GABRB1: variants seen among roughly 807,000 people sequenced by gnomAD.
The protein encoded by GABRB1 is gamma-aminobutyric acid type A receptor subunit beta1.
A neutral mutation model predicts 51.6 loss-of-function variants in GABRB1; 17 were observed. That is an observed-to-expected ratio of 0.33 (90% CI 0.23 to 0.49). GABRB1 has a LOEUF of 0.49. Among genes scored for constraint, GABRB1 ranks in the 20% least tolerant of loss-of-function variants. The probability of loss-of-function intolerance (pLI) is 0.99; values close to 1 mark genes in which losing one functional copy is unlikely to be tolerated. For missense variants in GABRB1, 410 were observed against 600.6 expected (o/e 0.68, Z 3.32); for synonymous variants, 247 against 218.9 (o/e 1.13, Z -1.14).
rs564173625 is a variant in GABRB1 at position 47,391,062 on chromosome 4, G to A, written c.545-12256G>A. On this transcript the variant is annotated intron_variant, in intron 5 of 8. Coordinates refer to ENST00000295454, the MANE Select transcript of GABRB1 (RefSeq NM_000812.4). ...GTGGTGGCACGTGCCTGTAATCCCA[G>A]CTACTCAGGAGGCTGAGGCAGGAGA... Among the ~76,000 whole-genome samples the A allele has an allele frequency of 1.8e-4, 28 of 152,262 alleles. No individual in the cohort carries two copies. In the South Asian group the frequency reaches 5.6e-3, roughly 30 times the overall value.
chr4:47,109,076 G>T (rs1715108497), intron 3 of GABRB1, among the ~76,000 whole-genome samples: 1 of 152,042 alleles, frequency 6.6e-6, no homozygotes, highest in Non-Finnish European at 1.5e-5. Flanking sequence ...CACTCTACAA[G>T]TCTGATATGT....
At chr4:47,104,729 A>G (rs1415915038) in intron 3 of GABRB1, among the ~76,000 whole-genome samples, 2 of 151,994 alleles carry the variant, frequency 1.3e-5, no homozygotes, top group Non-Finnish European at 2.9e-5. Context: ...GTTTCAGAAA[A>G]GACATTCTTT....
At chr4:47,236,078 T>A (rs1431984990) in intron 4 of GABRB1, among the ~76,000 whole-genome samples, 1 of 152,158 alleles carries the variant, frequency 6.6e-6, no homozygotes, top group African/African-American at 2.4e-5. Context: ...ATGTTTCAGA[T>A]GTAGTCTGAC....
At chr4:47,262,656 A>G (rs1722486521) in intron 4 of GABRB1, among the ~76,000 whole-genome samples, 1 of 152,222 alleles carries the variant, frequency 6.6e-6, no homozygotes, top group Non-Finnish European at 1.5e-5. Context: ...GGGATCTGGA[A>G]CTAAAAATAC....
intron 3 of GABRB1, among the ~76,000 whole-genome samples, chr4:47,127,348 G>A (rs1411613173): frequency 2.6e-5 from 4 of 151,332 alleles, no homozygotes; most frequent in Non-Finnish European, 5.9e-5. Context: ...ATATATGTAC[G>A]TATGCATACA....
intron 8 of GABRB1, among the ~76,000 whole-genome samples, chr4:47,411,102 GACC>G (rs756874733): frequency 1.9e-4 from 29 of 152,250 alleles, no homozygotes; most frequent in Non-Finnish European, 4.3e-4. Flanking sequence ...AGGAAGATGT[GACC>G]ATCATCAAGA....
chr4:47,133,030 G>A lies in GABRB1; in HGVS notation c.241-28219G>A, dbSNP rs578156391. Among the ~76,000 whole-genome samples the A allele has an allele frequency of 5.3e-5, 8 of 152,106 alleles. No individual in the cohort carries two copies. The South Asian group carries it at 1.7e-3, about 32-fold the overall frequency. ...TTCTTTTTTTGAAACCCATCACTCT[G>A]TATCTATTCTACTATGTCTTAATTT... is the stretch of plus-strand genomic sequence containing the variant. On this transcript the variant is annotated intron_variant, in intron 3 of 8. Coordinates refer to ENST00000295454, the MANE Select transcript of GABRB1 (RefSeq NM_000812.4).
intron 3 of GABRB1, among the ~76,000 whole-genome samples, chr4:47,044,432 G>C (rs577786859): frequency 6.6e-6 from 1 of 152,024 alleles, no homozygotes; most frequent in East Asian, 1.9e-4. Flanking sequence ...TAAGATGTCA[G>C]GATGATGTTG....
At chr4:47,264,950 C>T (rs537063511) in intron 4 of GABRB1, among the ~76,000 whole-genome samples, 2 of 152,138 alleles carry the variant, frequency 1.3e-5, no homozygotes, top group African/African-American at 4.8e-5. Context: ...GACACAATAA[C>T]GTAAAGAATG....
chr4:47,161,549 G>C (rs1717956118), intron 4 of GABRB1, 80 bp downstream of exon 4: 3 of 1,080,258 alleles, frequency 2.8e-6, no homozygotes, highest in Non-Finnish European at 4.1e-6. Context: ...GCAAAGGGGA[G>C]AGAAGCAAGA....
chr4:47,151,867 T>A (rs1035239239), intron 3 of GABRB1, among the ~76,000 whole-genome samples: 1 of 151,978 alleles, frequency 6.6e-6, no homozygotes, highest in Non-Finnish European at 1.5e-5. Flanking sequence ...TGAATAGAGA[T>A]CAGTTCTTAA....
At chr4:47,174,047 G>GT (rs780916090) in intron 4 of GABRB1, among the ~76,000 whole-genome samples, 52 of 150,918 alleles carry the variant, frequency 3.4e-4, no homozygotes, top group Non-Finnish European at 5.6e-4. Context: ...TCCCTTTTTT[G>GT]TTTTTTTTGT....
intron 5 of GABRB1, among the ~76,000 whole-genome samples, chr4:47,346,390 G>C (rs1186835709): frequency 6.6e-6 from 1 of 152,216 alleles, no homozygotes; most frequent in Non-Finnish European, 1.5e-5. Flanking sequence ...TACTGATCAT[G>C]AAACAATCAA....
At chr4:47,191,297 C>T (rs1354354313) in intron 4 of GABRB1, among the ~76,000 whole-genome samples, 2 of 152,052 alleles carry the variant, frequency 1.3e-5, no homozygotes, top group East Asian at 1.9e-4. Context: ...ATGCAGTTTT[C>T]AAAAATCACA....
intron 4 of GABRB1, among the ~76,000 whole-genome samples, chr4:47,214,366 G>A (rs1287625795): frequency 3.9e-5 from 6 of 152,126 alleles, no homozygotes; most frequent in African/African-American, 1.4e-4. Context: ...CAGCTCCAGA[G>A]TGGGCTTTGT....
At chr4:47,146,816 G>T (rs143549277) in intron 3 of GABRB1, among the ~76,000 whole-genome samples, 1 of 151,962 alleles carries the variant, frequency 6.6e-6, no homozygotes, top group African/African-American at 2.4e-5. Flanking sequence ...AGTTTTCTGC[G>T]TGACTTTTCT....
chr4:47,341,625 A>T (rs12503495), intron 5 of GABRB1, among the ~76,000 whole-genome samples: 2 of 152,058 alleles, frequency 1.3e-5, no homozygotes, highest in South Asian at 2.1e-4. Context: ...AACTAGAATT[A>T]GCACTTGATA....
At chr4:47,206,435 T>G (rs551435656) in intron 4 of GABRB1, among the ~76,000 whole-genome samples, 1 of 152,112 alleles carries the variant, frequency 6.6e-6, no homozygotes, top group East Asian at 1.9e-4. Flanking sequence ...GTACATCTTT[T>G]GTAACTGTGT....
chr4:47,007,648 A>G (rs768861502), intron 1 of GABRB1, among the ~76,000 whole-genome samples: 1 of 152,108 alleles, frequency 6.6e-6, no homozygotes, highest in African/African-American at 2.4e-5. Context: ...AAGAATGTCA[A>G]CGAATAGAAA....
Sources: gnomAD v4.1 joint callset for allele counts (sites outside exome capture counted in the v4.1 genomes callset) on GRCh38, gnomAD v4.1.1 for gene constraint, MANE v1.5 for transcripts, NCBI Gene and HGNC (gene_info 2026-07-23, HGNC 2026-07-21) for gene names.